Variants in TMCO5A observed in about 807,000 individuals in gnomAD.
TMCO5A encodes the protein transmembrane and coiled-coil domain-containing protein 5A.
Under a neutral mutation model 42.3 loss-of-function variants are expected in TMCO5A, and 34 were observed. That is an observed-to-expected ratio of 0.80 (90% confidence interval 0.61 to 1.07). TMCO5A has a LOEUF of 1.07. TMCO5A is among the 50% of genes least tolerant of loss of function. The probability of loss-of-function intolerance (pLI) is 0.00; values close to 1 mark genes in which losing one functional copy is unlikely to be tolerated. For synonymous variants in TMCO5A, 131 were observed against 115.6 expected (o/e 1.13, Z -0.86); for missense variants, 357 against 327.9 (o/e 1.09, Z -0.69).
Position 37,938,173 on chromosome 15 carries a change from C to A in TMCO5A, c.331C>A (p.Gln111Lys). ...ELQQKLTRKSQKITNCEQSSP... is the reference protein window; with the variant it reads ...ELQQKLTRKSKKITNCEQSSP... ...GAAACTATAGCTTACAAGGAAATCA[C>A]AAAAGATAACCAATTGTGAACAAAG... Residue 111 changes from glutamine (Q) to lysine (K), a missense_variant, in exon 6 of 12, where the codon CAA (glutamine) becomes AAA (lysine). By Grantham distance (53) the Gln-to-Lys change is moderately conservative. Transcript: ENST00000319669. 6.3e-7 allele frequency: 1 copy of A among 1,579,104 alleles called. No homozygotes were observed. Among genetic ancestry groups the A allele is most frequent in the Non-Finnish European group, 8.6e-7 (1 of 1,161,146 alleles).
chr15:38,012,186 T>A, the TMCO5A span, among the ~76,000 whole-genome samples: 2 of 152,130 alleles, frequency 1.3e-5, no homozygotes, highest in Non-Finnish European at 2.9e-5. Flanking sequence ...TTTCATAGAT[T>A]TCCTTGCATT....
intron 8 of TMCO5A, 78 bp downstream of exon 8, chr15:37,941,808 A>G: frequency 7.8e-7 from 1 of 1,274,212 alleles, no homozygotes; most frequent in Non-Finnish European, 1.1e-6. Context: ...TTCAAAGACT[A>G]CTGTCCAGAG....
the TMCO5A span, among the ~76,000 whole-genome samples, chr15:37,999,960 A>T: frequency 6.6e-6 from 1 of 152,162 alleles, no homozygotes; most frequent in African/African-American, 2.4e-5. Context: ...ATCACTGTTC[A>T]TCAGCGATAT....
At chr15:37,966,479 T>C in intron 11 of TMCO5A, 1 of 646,248 alleles carries the variant, frequency 1.5e-6, no homozygotes, top group Non-Finnish European at 2.8e-6. Flanking sequence ...TCAAAACATC[T>C]CATATACCCC....
chr15:37,962,788 A>G (rs1363292496), intron 11 of TMCO5A, among the ~76,000 whole-genome samples: 1 of 152,030 alleles, frequency 6.6e-6, no homozygotes, highest in Non-Finnish European at 1.5e-5. Flanking sequence ...TCTTTCCAGG[A>G]ATTTATCGGT....
At chr15:38,004,076 C>T in the TMCO5A span, among the ~76,000 whole-genome samples, 1 of 152,088 alleles carries the variant, frequency 6.6e-6, no homozygotes, top group African/African-American at 2.4e-5. Context: ...TGCTTGGTTG[C>T]TACTGCTGAT....
chr15:38,017,005 C>CAG, the TMCO5A span, among the ~76,000 whole-genome samples: 1 of 151,488 alleles, frequency 6.6e-6, no homozygotes, highest in Non-Finnish European at 1.5e-5. Context: ...GAATGAGAGA[C>CAG]AGAGAGAGAG....
At chr15:37,955,082 A>G (rs1165310324), downstream of TMCO5A, among the ~76,000 whole-genome samples, 4 of 151,998 alleles carry the variant, frequency 2.6e-5, no homozygotes, top group Non-Finnish European at 5.9e-5. Flanking sequence ...TGGCAGAAGT[A>G]ATTTTTTACT....
the TMCO5A span, among the ~76,000 whole-genome samples, chr15:38,031,241 A>T: frequency 6.6e-6 from 1 of 152,104 alleles, no homozygotes; most frequent in Admixed American, 6.5e-5. Flanking sequence ...CATAGAATAA[A>T]GTCCAAATCC....
At chr15:37,938,066 A>G (rs1889588504) in intron 5 of TMCO5A, 92 bp from the exon 6 acceptor site, 1 of 1,075,542 alleles carries the variant, frequency 9.3e-7, no homozygotes, top group East Asian at 2.6e-5. Flanking sequence ...GGAAAGGTTT[A>G]TAAAGGCCAT....
chr15:38,038,562 C>A, the TMCO5A span, among the ~76,000 whole-genome samples: 3 of 151,988 alleles, frequency 2.0e-5, no homozygotes. Flanking sequence ...CCCACCACCA[C>A]GCCCGGCTAA....
the TMCO5A span, among the ~76,000 whole-genome samples, chr15:37,975,139 A>G: frequency 0.24 from 36,983 of 152,132 alleles, 10,156 homozygotes; most frequent in African/African-American, 0.68. Flanking sequence ...TAAATTTGCT[A>G]AGGATTGTTT....
the TMCO5A span, among the ~76,000 whole-genome samples, chr15:37,996,222 C>T: frequency 6.6e-6 from 1 of 152,204 alleles, no homozygotes; most frequent in Non-Finnish European, 1.5e-5. Context: ...CTCACTACGC[C>T]TTAGAGGGAG....
At chr15:37,938,466 G>A (rs917381658) in intron 6 of TMCO5A, among the ~76,000 whole-genome samples, 14 of 152,078 alleles carry the variant, frequency 9.2e-5, no homozygotes, top group African/African-American at 3.1e-4. Flanking sequence ...AAATGCATAT[G>A]TAAAATTTGG....
At chr15:37,952,868 A>G (rs920314439), downstream of TMCO5A, among the ~76,000 whole-genome samples, 1 of 152,318 alleles carries the variant, frequency 6.6e-6, no homozygotes, top group Middle Eastern at 3.4e-3. Context: ...AGCATTCACT[A>G]CAAGCTAACT....
chr15:37,979,936 C>T, the TMCO5A span, among the ~76,000 whole-genome samples: 6 of 151,836 alleles, frequency 4.0e-5, no homozygotes, highest in African/African-American at 7.3e-5. Flanking sequence ...GACAGCTGCA[C>T]TGTGTCTTAT....
chr15:38,005,340 C>T, the TMCO5A span, among the ~76,000 whole-genome samples: 1 of 137,020 alleles, frequency 7.3e-6, no homozygotes, highest in African/African-American at 2.8e-5. Flanking sequence ...CTTTGGGAAG[C>T]TGAGCGCAGG....
the TMCO5A span, among the ~76,000 whole-genome samples, chr15:38,016,437 A>G: frequency 1.3e-5 from 2 of 152,168 alleles, no homozygotes; most frequent in Non-Finnish European, 2.9e-5. Context: ...ACTTGAAAGT[A>G]AATTAACCAG....
the TMCO5A span, among the ~76,000 whole-genome samples, chr15:38,025,469 TTA>T: frequency 1.3e-5 from 2 of 152,160 alleles, no homozygotes; most frequent in African/African-American, 4.8e-5. Flanking sequence ...CAAGATATTT[TTA>T]TGTTTATATG....
Sources: allele counts gnomAD v4.1 joint callset (sites outside exome capture counted in the v4.1 genomes callset), GRCh38; gene constraint gnomAD v4.1.1; transcripts MANE v1.5; gene names NCBI Gene and HGNC (gene_info 2026-07-23, HGNC 2026-07-21).